Variants in TAFA4 observed in about 807,000 individuals in gnomAD.
TAFA4 encodes TAFA chemokine like family member 4, also known as chemokine-like protein TAFA-4.
In TAFA4, 20 loss-of-function variants were observed where a neutral mutation model predicts 21.1. That is an observed-to-expected ratio of 0.95 (90% CI 0.67 to 1.38). TAFA4 has a LOEUF of 1.38. Among genes scored for constraint, TAFA4 ranks in the 40% most tolerant of loss-of-function variants. The probability of loss-of-function intolerance (pLI) is 0.00; values close to 1 mark genes in which losing one functional copy is unlikely to be tolerated. For synonymous variants in TAFA4, 71 were observed against 67.4 expected (o/e 1.05, Z -0.26); for missense variants, 211 against 180.9 (o/e 1.17, Z -0.95).
intron 1 of TAFA4, among the ~76,000 whole-genome samples, chr3:68,903,978 C>T (rs775837273): frequency 8.6e-5 from 13 of 151,470 alleles, no homozygotes; most frequent in African/African-American, 1.2e-4. Context: ...GGAAAGAAAA[C>T]TGACAGATGA....
chr3:68,841,788 C>T (rs372063654), intron 3 of TAFA4, among the ~76,000 whole-genome samples: 1 of 151,876 alleles, frequency 6.6e-6, no homozygotes, highest in Admixed American at 6.6e-5. Flanking sequence ...TGAGTGAGAA[C>T]ATGCAGTGTT....
rs563233058 is a variant in TAFA4, at chr3:68,752,720, TG to T, written c.286+142del. The stretch of plus-strand genomic sequence containing the variant: ...CTTACCATCAAGACATTTTTGGAGT[TG>T]TATTTATGTACATTTTTGGATTGAC... On this transcript the variant is annotated intron_variant, in intron 4 of 5. Coordinates refer to ENST00000295569, the MANE Select transcript of TAFA4 (RefSeq NM_182522.5). 282 of 890,026 alleles carry T rather than the reference TG, an allele frequency of 3.2e-4. 4 individuals are homozygous for T. In the South Asian group the frequency reaches 4.1e-3, roughly 13 times the overall value. 55.1% of individuals were successfully genotyped at this position (890,026 alleles called of 1,614,324 possible). A position where few individuals can be genotyped will look rare whatever the true frequency, so the allele number is the denominator to read the frequency against.
chr3:68,803,689 GA>G (rs537676848), intron 3 of TAFA4, among the ~76,000 whole-genome samples: 7,028 of 136,606 alleles, frequency 0.051, 218 homozygotes, highest in Non-Finnish European at 0.068. Flanking sequence ...CAGTAAGTGG[GA>G]AAAAAAAAAA....
chr3:68,789,696 A>T (rs79182484), intron 3 of TAFA4, among the ~76,000 whole-genome samples: 1 of 151,934 alleles, frequency 6.6e-6, no homozygotes, highest in Non-Finnish European at 1.5e-5. Context: ...GGCAAAAAAA[A>T]TTTTCTGATT....
chr3:68,926,700 G>C (rs760672368), intron 1 of TAFA4, among the ~76,000 whole-genome samples: 1 of 152,078 alleles, frequency 6.6e-6, no homozygotes, highest in South Asian at 2.1e-4. Context: ...ATCACCTGAG[G>C]TCAGAAGTTT....
chr3:68,908,448 T>C (rs2089925124), intron 1 of TAFA4, among the ~76,000 whole-genome samples: 1 of 151,520 alleles, frequency 6.6e-6, no homozygotes, highest in South Asian at 2.1e-4. Flanking sequence ...GATATTGCCA[T>C]CATTCCACTA....
chr3:68,895,885 A>G (rs1048958618), intron 1 of TAFA4, among the ~76,000 whole-genome samples: 2 of 152,198 alleles, frequency 1.3e-5, no homozygotes, highest in African/African-American at 2.4e-5. Context: ...GAACAATGTG[A>G]TGGAGACTAG....
chr3:68,914,967 C>A (rs148784011), intron 1 of TAFA4, among the ~76,000 whole-genome samples: 3 of 152,178 alleles, frequency 2.0e-5, no homozygotes, highest in Non-Finnish European at 4.4e-5. Context: ...CGTTTACATA[C>A]CATCGCAGGC....
chr3:68,787,871 G>T (rs551732082), intron 3 of TAFA4, among the ~76,000 whole-genome samples: 12 of 152,282 alleles, frequency 7.9e-5, no homozygotes, highest in African/African-American at 2.4e-4. Context: ...CTTGTAACCC[G>T]ATTCCAACCC....
intron 5 of TAFA4, among the ~76,000 whole-genome samples, chr3:68,735,734 A>C (rs1702230455): frequency 6.6e-6 from 1 of 152,176 alleles, no homozygotes. Flanking sequence ...TTTAGACAAT[A>C]GAAACTTTGA....
At chr3:68,834,276 T>C (rs1010457652) in intron 3 of TAFA4, among the ~76,000 whole-genome samples, 3 of 152,202 alleles carry the variant, frequency 2.0e-5, no homozygotes, top group South Asian at 2.1e-4. Context: ...GCTTTAGCCA[T>C]GCCTGGTAGA....
intron 1 of TAFA4, among the ~76,000 whole-genome samples, chr3:68,906,590 C>T (rs1238606342): frequency 6.6e-6 from 1 of 152,124 alleles, no homozygotes; most frequent in Non-Finnish European, 1.5e-5. Context: ...GGTCTGGCTC[C>T]AGAGTCCTTC....
intron 3 of TAFA4, among the ~76,000 whole-genome samples, chr3:68,856,455 C>T (rs989888980): frequency 6.6e-6 from 1 of 152,114 alleles, no homozygotes; most frequent in Non-Finnish European, 1.5e-5. Flanking sequence ...TTCCCAAACG[C>T]TTTACCTATT....
intron 3 of TAFA4, among the ~76,000 whole-genome samples, chr3:68,835,526 T>C (rs74321889): frequency 0.13 from 20,396 of 152,180 alleles, 1,906 homozygotes; most frequent in African/African-American, 0.27. Flanking sequence ...CATGAATAAA[T>C]AAACCCCAAA....
At chr3:68,847,859 C>T (rs1263243722) in intron 3 of TAFA4, among the ~76,000 whole-genome samples, 4 of 152,186 alleles carry the variant, frequency 2.6e-5, no homozygotes, top group Admixed American at 6.5e-5. Context: ...CGTGGACAAT[C>T]CCTGCTTTGA....
At chr3:68,748,787 T>A (rs973516139) in intron 4 of TAFA4, among the ~76,000 whole-genome samples, 4 of 151,730 alleles carry the variant, frequency 2.6e-5, no homozygotes, top group South Asian at 2.1e-4. Context: ...CATCAAAAAA[T>A]TTTTTAAATA....
chr3:68,901,228 G>A (rs1344322944), intron 1 of TAFA4, among the ~76,000 whole-genome samples: 8 of 151,990 alleles, frequency 5.3e-5, no homozygotes, highest in South Asian at 2.1e-4. Context: ...GTCCCTGAAG[G>A]TCATTCTATT....
intron 2 of TAFA4, among the ~76,000 whole-genome samples, chr3:68,883,661 C>A (rs189786104): frequency 1.3e-5 from 2 of 152,204 alleles, no homozygotes; most frequent in African/African-American, 4.8e-5. Flanking sequence ...ATAAATTGAT[C>A]GATAATTTGA....
At chr3:68,806,508 C>T (rs1298346521) in intron 3 of TAFA4, among the ~76,000 whole-genome samples, 1 of 152,120 alleles carries the variant, frequency 6.6e-6, no homozygotes, top group Non-Finnish European at 1.5e-5. Context: ...CTTTTACATA[C>T]AAGAGTTGGC....
Sources: allele counts gnomAD v4.1 joint callset (sites outside exome capture counted in the v4.1 genomes callset), GRCh38; gene constraint gnomAD v4.1.1; transcripts MANE v1.5; gene names NCBI Gene and HGNC (gene_info 2026-07-23, HGNC 2026-07-21).